MAPK6: variants seen among roughly 807,000 people sequenced by gnomAD.
The protein encoded by MAPK6 is mitogen-activated protein kinase 6.
A neutral mutation model predicts 59.3 loss-of-function variants in MAPK6; 19 were observed. The observed-to-expected ratio is 0.32, with a 90% CI of 0.22 to 0.47. MAPK6 has a LOEUF of 0.47. MAPK6 is among the 20% of genes least tolerant of loss of function. MAPK6 has a pLI of 1.00. For synonymous variants in MAPK6, 316 were observed against 290.3 expected, an observed-to-expected ratio of 1.09 and a Z score of -0.90; for missense variants, 724 against 847.9, an observed-to-expected ratio of 0.85 and a Z score of 1.81.
chr15:51,982,141 A>C (rs2057176166), intron 1 of MAPK6, among the ~76,000 whole-genome samples: 1 of 152,240 alleles, frequency 6.6e-6, no homozygotes, highest in African/African-American at 2.4e-5. Context: ...GATCCGGCTC[A>C]AACACAAAGC....
intron 4 of MAPK6, among the ~76,000 whole-genome samples, chr15:52,060,514 G>T (rs2032159278): frequency 6.6e-6 from 1 of 152,198 alleles, no homozygotes. Context: ...ATTGCAGCTA[G>T]TTTTCATCAG....
At chr15:52,019,549 C>T (rs961203683) in intron 1 of MAPK6, among the ~76,000 whole-genome samples, 173 bp downstream of exon 1, 1 of 145,952 alleles carries the variant, frequency 6.9e-6, no homozygotes, top group African/African-American at 2.5e-5. Flanking sequence ...TTCGGTCTGC[C>T]GCCCGCCCCC....
intron 3 of MAPK6, among the ~76,000 whole-genome samples, chr15:52,053,708 C>T (rs545896195): frequency 1.3e-5 from 2 of 152,020 alleles, no homozygotes; most frequent in East Asian, 3.9e-4. Flanking sequence ...GGCATGATCT[C>T]GGCTCACTGC....
chr15:52,015,332 A>C (rs1271134166), upstream of MAPK6, among the ~76,000 whole-genome samples: 1 of 152,042 alleles, frequency 6.6e-6, no homozygotes, highest in Non-Finnish European at 1.5e-5. Context: ...TTTTTAGTAG[A>C]GACGGGGTTT....
intron 2 of MAPK6, among the ~76,000 whole-genome samples, chr15:51,987,132 G>A (rs2057193282): frequency 6.6e-6 from 1 of 152,166 alleles, no homozygotes; most frequent in South Asian, 2.1e-4. Flanking sequence ...GAGTACTGGA[G>A]ATTATGGGAG....
chr15:52,001,846 G>A (rs922614795), intron 2 of MAPK6, among the ~76,000 whole-genome samples: 1 of 152,126 alleles, frequency 6.6e-6, no homozygotes, highest in Non-Finnish European at 1.5e-5. Context: ...ACTCAATTCT[G>A]TAGGCTCAGA....
intron 2 of MAPK6, among the ~76,000 whole-genome samples, chr15:51,997,089 C>G (rs2057226645): frequency 6.6e-6 from 1 of 152,078 alleles, no homozygotes; most frequent in Non-Finnish European, 1.5e-5. Flanking sequence ...AAGCAATTCT[C>G]CTGCCTCAGC....
intron 3 of MAPK6, among the ~76,000 whole-genome samples, chr15:52,006,379 T>C (rs1448779836): frequency 6.6e-6 from 1 of 152,192 alleles, no homozygotes; most frequent in African/African-American, 2.4e-5. Flanking sequence ...ACCAAATAGA[T>C]TTCCTAAGAA....
intron 2 of MAPK6, among the ~76,000 whole-genome samples, chr15:51,983,470 A>C (rs1408142749): frequency 6.7e-6 from 1 of 148,672 alleles, no homozygotes; most frequent in African/African-American, 2.5e-5. Context: ...CAACAGCGAA[A>C]CTCCGTCTCA....
intron 1 of MAPK6, among the ~76,000 whole-genome samples, chr15:51,982,912 T>C (rs2057178928): frequency 6.6e-6 from 1 of 152,198 alleles, no homozygotes; most frequent in African/African-American, 2.4e-5. Context: ...CCTTACTCAA[T>C]GAGGAAATGA....
chr15:51,984,024 G>T (rs1566893626), intron 2 of MAPK6, among the ~76,000 whole-genome samples: 1 of 150,076 alleles, frequency 6.7e-6, no homozygotes. Context: ...TTGATGTTAA[G>T]AAAGTAATTT....
At chr15:52,020,442 C>T (rs1595975091) in intron 1 of MAPK6, among the ~76,000 whole-genome samples, 1 of 151,868 alleles carries the variant, frequency 6.6e-6, no homozygotes, top group Admixed American at 6.6e-5. Context: ...GCTAAAGATG[C>T]AGTCTCAGTA....
chr15:52,030,375 T>C (rs1460468540), intron 1 of MAPK6, among the ~76,000 whole-genome samples: 1 of 152,184 alleles, frequency 6.6e-6, no homozygotes, highest in Non-Finnish European at 1.5e-5. Flanking sequence ...AAGTGCTCAG[T>C]AAATTTTTGT....
upstream of MAPK6, chr15:52,019,208 C>G (rs1216415555): frequency 1.3e-5 from 2 of 152,036 alleles, no homozygotes; most frequent in Non-Finnish European, 2.9e-5. Context: ...CACCGCGAAG[C>G]CCCGCCCCCT....
chr15:52,024,402 C>CTTTT (rs1197373755), intron 1 of MAPK6, among the ~76,000 whole-genome samples: 13 of 139,264 alleles, frequency 9.3e-5, no homozygotes, highest in African/African-American at 2.9e-4. Flanking sequence ...TTTTCTTTTT[C>CTTTT]TTTTTTTTTT....
intron 3 of MAPK6, among the ~76,000 whole-genome samples, chr15:52,007,719 A>T (rs2029939531): frequency 6.6e-6 from 1 of 151,844 alleles, no homozygotes; most frequent in South Asian, 2.1e-4. Context: ...AAAAAAAAAA[A>T]TTAATTCCTT....
chr15:52,053,070 G>GTTTTTT (rs140172832), intron 3 of MAPK6, among the ~76,000 whole-genome samples: 2 of 125,328 alleles, frequency 1.6e-5, no homozygotes, highest in African/African-American at 3.1e-5. Context: ...TCTCATTGTG[G>GTTTTTT]TTTTTTTTTT....
At position 51,998,669 on chromosome 15, in the gene MAPK6, C is replaced by T. The variant is rs987615282; in HGVS notation, c.-769-5596C>T. On this transcript the variant is annotated intron_variant, in intron 2 of 7. Coordinates refer to the MAPK6 transcript ENST00000691380. ...CCAAGAAGCTGGAATTACAGGCGTG[C>T]GCCACCATGCCTGGTTAATTTTTTT... 2.0e-4 allele frequency among the ~76,000 whole-genome samples: 23 copies of T among 117,086 alleles called. 1 individual carries two copies. Among genetic ancestry groups the T allele is most frequent in the South Asian group, 8.9e-4 (3 of 3,388 alleles). The allele number at this position is 117,086 out of a possible 152,430, so 76.8% of individuals were successfully genotyped here.
rs1358728229 is a variant in MAPK6, at chr15:52,061,293, C to T, written c.866-6C>T. On this transcript the variant is annotated splice_polypyrimidine_tract_variant and splice_region_variant and intron_variant, in intron 4 of 5. Coordinates refer to ENST00000261845, the MANE Select transcript of MAPK6 (RefSeq NM_002748.4). ...TTCTGAAAAACTTTTACCTTTTCCT[C>T]TGCAGCACTGGATTTCCTGGAACAA... 1 of 1,612,236 alleles carries T rather than the reference C, an allele frequency of 6.2e-7. No homozygotes were observed. Among genetic ancestry groups the T allele is most frequent in the East Asian group, 2.2e-5 (1 of 44,868 alleles).
Sources: allele counts gnomAD v4.1 joint callset (sites outside exome capture counted in the v4.1 genomes callset), GRCh38; gene constraint gnomAD v4.1.1; transcripts MANE v1.5; gene names NCBI Gene and HGNC (gene_info 2026-07-23, HGNC 2026-07-21).